Variants in MROH1 observed in about 807,000 individuals in gnomAD.
MROH1 encodes maestro heat like repeat family member 1.
Under a neutral mutation model 116.5 loss-of-function variants are expected in MROH1, and 117 were observed. The ratio of observed to expected loss-of-function variants is 1.00; its 90% CI spans 0.86 to 1.17. MROH1 has a LOEUF of 1.17. Among genes scored for constraint, MROH1 ranks in the 50% most tolerant of loss-of-function variants. The pLI is 0.00. For missense variants in MROH1, 1,873 were observed against 1,338.5 expected, an observed-to-expected ratio of 1.40 and a Z score of -6.23; for synonymous variants, 921 against 583.9, an observed-to-expected ratio of 1.58 and a Z score of -8.32.
In MROH1 at chr8:144,242,444, C is replaced by T. The variant is rs1841171526; in HGVS notation, c.2254C>T (p.Pro752Ser). ...CTATGGGCACGTGGCGGCCCGGGCC[C>T]CCCGGGAGCTGGTGCTGGCCAAGGT... ...LCYGHVAARA[P>S]RELVLAKVES... Residue 752 changes from proline (P) to serine (S), a missense_variant, in exon 23 of 44, where the codon CCC becomes TCC. Coordinates refer to ENST00000326134, the MANE Select transcript of MROH1 (RefSeq NM_032450.3). 3.8e-6 allele frequency: 3 copies of T among 780,692 alleles called. No individual in the cohort carries two copies. The highest frequency in any genetic ancestry group is 7.2e-6 in the Non-Finnish European group (3 of 417,830). 48.4% of individuals were successfully genotyped at this position (780,692 alleles called of 1,614,324 possible).
At chr8:144,233,498 C>T (rs201895029) in intron 14 of MROH1, among the ~76,000 whole-genome samples, 20 of 145,188 alleles carry the variant, frequency 1.4e-4, no homozygotes, top group South Asian at 6.7e-4. Context: ...TGCACCCCAC[C>T]ATCCACCTTC....
chr8:144,222,220 C>T (rs1437842827), intron 13 of MROH1, among the ~76,000 whole-genome samples: 1 of 152,116 alleles, frequency 6.6e-6, no homozygotes, highest in Non-Finnish European at 1.5e-5. Flanking sequence ...TGCCAGTGCC[C>T]AGGAGGCTGG....
intron 33 of MROH1, chr8:144,252,030 G>A (rs1288968159): frequency 4.7e-6 from 1 of 212,804 alleles, no homozygotes; most frequent in Non-Finnish European, 9.6e-6. Context: ...TTGCCGGGTA[G>A]TGCCGGGTGC....
At chr8:144,177,950 C>T (rs781456565) in intron 4 of MROH1, among the ~76,000 whole-genome samples, 1 of 144,600 alleles carries the variant, frequency 6.9e-6, no homozygotes, top group Non-Finnish European at 1.5e-5. Flanking sequence ...GTTACCCAGT[C>T]TCCGGTATTT....
Position 144,213,277 on chromosome 8 carries a change from A to G in MROH1, c.1142-7323A>G, listed in dbSNP as rs1331938664. The G allele has an allele frequency of 1.2e-5, 7 of 593,054 alleles. No homozygotes were observed. The African/African-American group carries it at 1.3e-4, about 11-fold the overall frequency. The allele number at this position is 593,054 out of a possible 1,614,324, so 36.7% of individuals were successfully genotyped here. A position where few individuals can be genotyped will look rare whatever the true frequency, so the allele number is the denominator to read the frequency against. On this transcript the variant is annotated intron_variant, in intron 12 of 43. Transcript: ENST00000326134. ...CTCTTTCTCTGTAGGTTCCGTGGGAAGAGCTCATGGGAACATGATCTTCGA... is the reference window on the plus strand; with the variant it reads ...CTCTTTCTCTGTAGGTTCCGTGGGAGGAGCTCATGGGAACATGATCTTCGA...
At chr8:144,191,075 T>C in intron 8 of MROH1, 140 bp downstream of exon 8, 2 of 949,226 alleles carry the variant, frequency 2.1e-6, no homozygotes, top group South Asian at 3.8e-5. Flanking sequence ...GGCTCACCTT[T>C]ATTTATTTTT....
intron 35 of MROH1, among the ~76,000 whole-genome samples, chr8:144,257,971 C>T (rs1312104854): frequency 6.6e-6 from 1 of 152,170 alleles, no homozygotes; most frequent in Non-Finnish European, 1.5e-5. Context: ...TGGTGCAGGG[C>T]ATCCTCTGCC....
chr8:144,209,586 AAAAAAG>A lies in MROH1; in HGVS notation c.1141+9051_1141+9056del, dbSNP rs1833642433. ...AGAGTGAGACTCCGTCTCAAAAAAAAAAAAAGAAAAAAGAAAAATCGTTAGTATAAA... is the reference window on the plus strand; with the variant it reads ...AGAGTGAGACTCCGTCTCAAAAAAAAAAAAAAGAAAAATCGTTAGTATAAA... On this transcript the variant is annotated intron_variant, in intron 12 of 43. Transcript: ENST00000326134. 7.3e-5 allele frequency among the ~76,000 whole-genome samples: 11 copies of A among 150,712 alleles called. No individual in the cohort carries two copies. In the South Asian group the frequency reaches 2.1e-3, roughly 29 times the overall value.
At chr8:144,150,658 G>A (rs949836853) in intron 1 of MROH1, among the ~76,000 whole-genome samples, 29 of 152,272 alleles carry the variant, frequency 1.9e-4, no homozygotes, top group East Asian at 9.7e-4. Context: ...ATCACTGATC[G>A]TCACCATTTG....
intron 14 of MROH1, among the ~76,000 whole-genome samples, chr8:144,228,048 G>A (rs1280684143): frequency 6.6e-6 from 1 of 151,792 alleles, no homozygotes; most frequent in Non-Finnish European, 1.5e-5. Flanking sequence ...CCTGGACAAT[G>A]TAACCAGACC....
intron 35 of MROH1, among the ~76,000 whole-genome samples, chr8:144,257,263 G>A (rs990496384): frequency 1.4e-4 from 21 of 152,266 alleles, no homozygotes; most frequent in East Asian, 1.4e-3. Flanking sequence ...TCGTACGTCC[G>A]ACCTTGGGGA....
chr8:144,250,567 G>C (rs1157127508), intron 33 of MROH1: 1 of 649,096 alleles, frequency 1.5e-6, no homozygotes, highest in Admixed American at 2.2e-5. Context: ...CTCTCCAGGC[G>C]TTTTGGGATC....
Position 144,260,771 on chromosome 8 carries a change from T to C in MROH1, c.4475T>C (p.Val1492Ala), listed in dbSNP as rs1844890342. 5.1e-6 allele frequency: 4 copies of C among 778,902 alleles called. No homozygotes were observed. Among genetic ancestry groups the C allele is most frequent in the Admixed American group, 1.7e-5 (1 of 59,042 alleles). The allele number at this position is 778,902 out of a possible 1,614,324, so 48.2% of individuals were successfully genotyped here. A position where few individuals can be genotyped will look rare whatever the true frequency, so the allele number is the denominator to read the frequency against. Residue 1492 changes from valine (V) to alanine (A), a missense_variant, in exon 40 of 44, where the codon GTG (valine) becomes GCG (alanine). Coordinates refer to ENST00000326134, the MANE Select transcript of MROH1 (RefSeq NM_032450.3). ...TGTGAGGACGTCTTCCTGGACCAGGTGGTGGGCGGGCTGGCGCCCCTGCTG... is the reference window on the plus strand; with the variant it reads ...TGTGAGGACGTCTTCCTGGACCAGGCGGTGGGCGGGCTGGCGCCCCTGCTG... ...GDCEDVFLDQ[V>A]VGGLAPLLLH...
chr8:144,255,265 C>G (rs1474261377), intron 34 of MROH1, among the ~76,000 whole-genome samples: 1 of 152,268 alleles, frequency 6.6e-6, no homozygotes, highest in Non-Finnish European at 1.5e-5. Context: ...TTCTGAGGAG[C>G]TGAGAACAGA....
intron 33 of MROH1, chr8:144,251,392 T>A (rs1842823305): frequency 6.6e-6 from 1 of 152,244 alleles, no homozygotes; most frequent in Non-Finnish European, 1.5e-5. Context: ...ATCTTTTGCG[T>A]CTTTGTTACA....
intron 14 of MROH1, among the ~76,000 whole-genome samples, chr8:144,234,891 C>CTTTTTTTTTTT (rs781998549): frequency 1.7e-4 from 18 of 103,528 alleles, no homozygotes; most frequent in South Asian, 3.1e-4. Flanking sequence ...CTTTTTCTTT[C>CTTTTTTTTTTT]TTTTTTTTTT....
At chr8:144,195,979 T>C (rs531235085) in intron 10 of MROH1, among the ~76,000 whole-genome samples, 32 of 152,254 alleles carry the variant, frequency 2.1e-4, no homozygotes, top group South Asian at 1.0e-3. Flanking sequence ...TTGTTATGCA[T>C]AGAAAACCCT....
intron 36 of MROH1, 141 bp from the exon 37 acceptor site, chr8:144,259,099 T>C (rs1844477339): frequency 1.5e-6 from 1 of 680,340 alleles, no homozygotes; most frequent in African/African-American, 1.8e-5. Context: ...CGAGGCAAGC[T>C]GGGAGGCATC....
chr8:144,180,680 G>C lies in MROH1; in HGVS notation c.562+157G>C, dbSNP rs570794612. 9.2e-5 allele frequency among the ~76,000 whole-genome samples: 14 copies of C among 152,260 alleles called. No individual in the cohort carries two copies. Among genetic ancestry groups the C allele is most frequent in the Admixed American group, 5.2e-4 (8 of 15,296 alleles). ...CCCTGGCTGAGGCTGCTGGCTGGTT[G>C]GGGGGCCCATGTGGGGCTGACACAG... On this transcript the variant is annotated intron_variant, in intron 7 of 43. Coordinates refer to ENST00000326134, the MANE Select transcript of MROH1 (RefSeq NM_032450.3). The surrounding 1 kb of genome is among the most constrained non-coding windows in gnomAD (Gnocchi z 7.4).
Sources: gnomAD v4.1 joint callset for allele counts (sites outside exome capture counted in the v4.1 genomes callset) on GRCh38, gnomAD v4.1.1 for gene constraint, Gnocchi (gnomAD v3.1) non-coding constraint, MANE v1.5 for transcripts, NCBI Gene and HGNC (gene_info 2026-07-23, HGNC 2026-07-21) for gene names.